Variants in BLTP1 observed in about 807,000 individuals in gnomAD.
The protein encoded by BLTP1 is fragile site-associated protein.
the BLTP1 span, chr4:122,301,351 G>C: frequency 6.2e-7 from 1 of 1,603,368 alleles, no homozygotes. Context: ...ACAGCAGATG[G>C]AGATAAACCT....
At chr4:122,325,137 T>G in the BLTP1 span, 52 of 1,269,544 alleles carry the variant, frequency 4.1e-5, no homozygotes, top group Non-Finnish European at 4.9e-5. Flanking sequence ...TACTTACAAA[T>G]AAAATGTCAT....
chr4:122,275,304 T>C, the BLTP1 span, among the ~76,000 whole-genome samples: 1 of 152,090 alleles, frequency 6.6e-6, no homozygotes, highest in African/African-American at 2.4e-5. Context: ...AGTGGTCTTA[T>C]CTACCTTTAC....
chr4:122,334,555 G>C, the BLTP1 span: 1 of 1,607,324 alleles, frequency 6.2e-7, no homozygotes, highest in South Asian at 1.1e-5. Context: ...GGTATTTAAG[G>C]AGTATATACT....
chr4:122,269,501 C>A, the BLTP1 span: 1 of 985,230 alleles, frequency 1.0e-6, no homozygotes, highest in Admixed American at 6.1e-5. Context: ...CACATTCTTA[C>A]AACTAACTCA....
At chr4:122,162,472 T>TC in the BLTP1 span, 1 of 977,830 alleles carries the variant, frequency 1.0e-6, no homozygotes, top group Non-Finnish European at 1.2e-6. Context: ...TGTGGGCAGG[T>TC]TCACAGATGG....
chr4:122,343,379 T>A, the BLTP1 span: 1 of 1,608,460 alleles, frequency 6.2e-7, no homozygotes, highest in Admixed American at 1.7e-5. Context: ...TTCTTGTAGC[T>A]TATATTTTCA....
At chr4:122,345,805 CAGTAAAAAA>C in the BLTP1 span, 1 of 152,054 alleles carries the variant, frequency 6.6e-6, no homozygotes, top group South Asian at 2.1e-4. Flanking sequence ...TGAACTGTGG[CAGTAAAAAA>C]AGGAGAAAAG....
At chr4:122,201,173 C>A in the BLTP1 span, 2 of 1,420,696 alleles carry the variant, frequency 1.4e-6, no homozygotes, top group Non-Finnish European at 1.9e-6. Flanking sequence ...TCACAGTGAA[C>A]TTGTTTACAT....
chr4:122,359,802 A>T, the BLTP1 span: 1 of 1,501,052 alleles, frequency 6.7e-7, no homozygotes, highest in Non-Finnish European at 8.8e-7. Flanking sequence ...TAAGTTACAT[A>T]TGATTATCAA....
the BLTP1 span, chr4:122,246,254 A>G: frequency 6.2e-7 from 1 of 1,608,044 alleles, no homozygotes; most frequent in Non-Finnish European, 8.5e-7. Context: ...GAAGCAAGAT[A>G]ATGTAACAAT....
chr4:122,336,558 T>C, the BLTP1 span: 2 of 769,164 alleles, frequency 2.6e-6, no homozygotes, highest in African/African-American at 3.9e-5. Context: ...TACATAACTT[T>C]CCCATGGCCC....
At chr4:122,249,322 C>A in the BLTP1 span, 1 of 753,074 alleles carries the variant, frequency 1.3e-6, no homozygotes, top group Non-Finnish European at 1.6e-6. Context: ...TCTTAGGCAG[C>A]ATTATTCTAA....
the BLTP1 span, chr4:122,204,926 G>GTCTATTAACCTGT: frequency 4.4e-6 from 2 of 458,290 alleles, no homozygotes; most frequent in Non-Finnish European, 5.7e-6. Flanking sequence ...ATTTTCTGTT[G>GTCTATTAACCTGT]TCTATTAATA....
chr4:122,287,019 A>C, the BLTP1 span, among the ~76,000 whole-genome samples: 2 of 152,146 alleles, frequency 1.3e-5, no homozygotes, highest in African/African-American at 2.4e-5. Context: ...AATATGTATT[A>C]GTTATGTATT....
chr4:122,232,863 AC>A, the BLTP1 span, among the ~76,000 whole-genome samples: 17 of 152,006 alleles, frequency 1.1e-4, no homozygotes, highest in South Asian at 3.3e-3. Flanking sequence ...GATTCCTAGG[AC>A]TCGTGACGAT....
At chr4:122,209,040 T>C in the BLTP1 span, 8 of 1,104,370 alleles carry the variant, frequency 7.2e-6, no homozygotes, top group Middle Eastern at 3.6e-4. Flanking sequence ...TAAATAAAAT[T>C]TGTTAATTTT....
At chr4:122,256,132 G>A in the BLTP1 span, 2 of 984,684 alleles carry the variant, frequency 2.0e-6, no homozygotes, top group Non-Finnish European at 2.4e-6. Flanking sequence ...CTGGCCAATA[G>A]GGGACACACA....
chr4:122,251,411 C>G, the BLTP1 span: 2 of 879,060 alleles, frequency 2.3e-6, no homozygotes, highest in Non-Finnish European at 2.7e-6. Context: ...GTATACTCAC[C>G]TTTACCCCCC....
chr4:122,246,336 G>C, the BLTP1 span: 1 of 1,477,460 alleles, frequency 6.8e-7, no homozygotes, highest in African/African-American at 1.4e-5. Flanking sequence ...TCCTGAAAGA[G>C]GAGAGCATTT....
Sources: allele counts gnomAD v4.1 joint callset (sites outside exome capture counted in the v4.1 genomes callset), GRCh38; gene constraint gnomAD v4.1.1; transcripts MANE v1.5; gene names NCBI Gene and HGNC (gene_info 2026-07-23, HGNC 2026-07-21).